Variants in TRDN observed in about 807,000 individuals in gnomAD.
TRDN encodes the protein triadin in skeletal muscle.
TRDN carries 161 observed loss-of-function variants against 149.7 expected under a neutral mutation model. The ratio of observed to expected loss-of-function variants is 1.08; its 90% confidence interval spans 0.95 to 1.23. The LOEUF (loss-of-function observed/expected upper bound fraction) is 1.23, where lower values mean the gene tolerates loss of function less well. Among genes scored for constraint, TRDN ranks in the 50% most tolerant of loss-of-function variants. The pLI, the probability that TRDN is intolerant of heterozygous loss-of-function variation, is 0.00. For synonymous variants in TRDN, 294 were observed against 250.5 expected, an observed-to-expected ratio of 1.17 and a Z score of -1.64; for missense variants, 896 against 823.5, an observed-to-expected ratio of 1.09 and a Z score of -1.08.
chr6:123,330,500 G>A (rs1242422278), intron 23 of TRDN, among the ~76,000 whole-genome samples: 4 of 151,714 alleles, frequency 2.6e-5, no homozygotes, highest in Admixed American at 2.0e-4. Context: ...TTTACATATC[G>A]TGTCAAAATA....
At chr6:123,437,073 CAA>C (rs1189027626) in intron 12 of TRDN, among the ~76,000 whole-genome samples, 24 of 152,002 alleles carry the variant, frequency 1.6e-4, no homozygotes, top group African/African-American at 5.8e-4. Context: ...CATGTTTGAA[CAA>C]GAATAGAAAC....
Position 123,524,596 on chromosome 6 carries a change from T to C in TRDN, c.484+5910A>G, listed in dbSNP as rs181149455. The stretch of plus-strand genomic sequence containing the variant: ...AACTGTGTCCTATTGTCAAGGTGAC[T>C]AAGCTCTTCACATATAGTAAGAAAA... On this transcript the variant is annotated intron_variant, in intron 5 of 40. Transcript: ENST00000334268. Among the ~76,000 whole-genome samples the C allele has an allele frequency of 1.9e-3, 295 of 152,226 alleles. 3 individuals carry two copies. The highest frequency in any genetic ancestry group is 6.7e-3 in the African/African-American group (280 of 41,538).
chr6:123,329,403 A>T (rs529199953), intron 23 of TRDN, among the ~76,000 whole-genome samples: 2 of 152,278 alleles, frequency 1.3e-5, no homozygotes, highest in South Asian at 4.1e-4. Context: ...AAGTGTTAAA[A>T]CTTTAACCTA....
intron 2 of TRDN, among the ~76,000 whole-genome samples, chr6:123,566,113 G>A (rs895522773): frequency 3.3e-5 from 5 of 152,204 alleles, no homozygotes; most frequent in African/African-American, 1.2e-4. Flanking sequence ...GATAGGCATA[G>A]TATTGTTTGA....
chr6:123,355,110 A>C (rs1780611418), intron 20 of TRDN, among the ~76,000 whole-genome samples: 1 of 151,330 alleles, frequency 6.6e-6, no homozygotes, highest in Non-Finnish European at 1.5e-5. Context: ...TTTTTGCCTA[A>C]TTTTTTAATG....
intron 9 of TRDN, among the ~76,000 whole-genome samples, chr6:123,494,273 C>G (rs1778341204): frequency 1.3e-5 from 2 of 152,156 alleles, no homozygotes; most frequent in Admixed American, 1.3e-4. Flanking sequence ...GAAGGGCTCT[C>G]TCTGTGCGGT....
At chr6:123,304,338 C>T (rs1413153999) in intron 24 of TRDN, among the ~76,000 whole-genome samples, 5 of 150,498 alleles carry the variant, frequency 3.3e-5, no homozygotes, top group African/African-American at 9.8e-5. Context: ...CTGCAACCTC[C>T]GCCTCCTTGG....
intron 7 of TRDN, among the ~76,000 whole-genome samples, chr6:123,506,440 T>C (rs1778927716): frequency 6.6e-6 from 1 of 152,100 alleles, no homozygotes; most frequent in South Asian, 2.1e-4. Flanking sequence ...ATATTTTCTA[T>C]ATTTTTCCAC....
chr6:123,576,426 C>T (rs1782863002), intron 1 of TRDN, among the ~76,000 whole-genome samples: 1 of 151,844 alleles, frequency 6.6e-6, no homozygotes, highest in Admixed American at 6.6e-5. Flanking sequence ...GCCACTTAGT[C>T]TGTCTGCTGA....
chr6:123,553,773 T>C (rs1460665028), intron 2 of TRDN, among the ~76,000 whole-genome samples: 1 of 152,130 alleles, frequency 6.6e-6, no homozygotes, highest in African/African-American at 2.4e-5. Context: ...ACTTATTCAC[T>C]ACCACAAGAA....
At chr6:123,550,216 G>A (rs1435439693) in intron 2 of TRDN, among the ~76,000 whole-genome samples, 1 of 151,966 alleles carries the variant, frequency 6.6e-6, no homozygotes, top group African/African-American at 2.4e-5. Context: ...AAATGTCAGG[G>A]AGATAAGTCA....
At chr6:123,230,837 A>G (rs1403826539) in intron 38 of TRDN, among the ~76,000 whole-genome samples, 1 of 152,004 alleles carries the variant, frequency 6.6e-6, no homozygotes, top group Non-Finnish European at 1.5e-5. Flanking sequence ...AAGGTTTCCT[A>G]TGATTTATTC....
At chr6:123,463,015 C>G (rs542080380) in intron 10 of TRDN, 1 of 152,140 alleles carries the variant, frequency 6.6e-6, no homozygotes, top group African/African-American at 2.4e-5. Context: ...CAGCCTATTA[C>G]TAGGTTCTGG....
chr6:123,430,101 C>A (rs1774270088), intron 12 of TRDN, among the ~76,000 whole-genome samples: 1 of 151,884 alleles, frequency 6.6e-6, no homozygotes, highest in South Asian at 2.1e-4. Flanking sequence ...GAGACCTCAC[C>A]TCTACAAAAA....
chr6:123,373,941 GC>G (rs1370541756), intron 19 of TRDN, among the ~76,000 whole-genome samples: 1 of 152,164 alleles, frequency 6.6e-6, no homozygotes, highest in Non-Finnish European at 1.5e-5. Flanking sequence ...GCTGTATGTA[GC>G]AGCTGAGTAA....
At chr6:123,250,723 TCTTA>T (rs1349877161) in intron 38 of TRDN, among the ~76,000 whole-genome samples, 1 of 152,122 alleles carries the variant, frequency 6.6e-6, no homozygotes, top group African/African-American at 2.4e-5. Context: ...CTGCTCATAA[TCTTA>T]CTCTTACTAC....
At chr6:123,351,132 GA>G (rs1287686861) in intron 21 of TRDN, 12 of 984,638 alleles carry the variant, frequency 1.2e-5, no homozygotes, top group South Asian at 9.4e-5. Context: ...TTTTATACTA[GA>G]GGGGGAAAGC....
chr6:123,270,531 G>C (rs1777170535), intron 30 of TRDN, among the ~76,000 whole-genome samples: 1 of 151,914 alleles, frequency 6.6e-6, no homozygotes, highest in African/African-American at 2.4e-5. Flanking sequence ...GAAGTTCAGT[G>C]ACTCAGATGT....
At chr6:123,599,188 C>T (rs563878636) in intron 1 of TRDN, among the ~76,000 whole-genome samples, 3 of 152,176 alleles carry the variant, frequency 2.0e-5, no homozygotes, top group African/African-American at 7.2e-5. Flanking sequence ...TCTACAATGT[C>T]TCTCTGAGGG....
Sources: allele counts gnomAD v4.1 joint callset (sites outside exome capture counted in the v4.1 genomes callset), GRCh38; gene constraint gnomAD v4.1.1; transcripts MANE v1.5; gene names NCBI Gene and HGNC (gene_info 2026-07-23, HGNC 2026-07-21).